CBR4: variants seen among roughly 807,000 people sequenced by gnomAD.
CBR4 encodes 3-oxoacyl-[acyl-carrier-protein] reductase.
A neutral mutation model predicts 21.0 loss-of-function variants in CBR4; 22 were observed. The observed-to-expected ratio is 1.05, with a 90% CI of 0.75 to 1.50. CBR4 has a LOEUF of 1.50. Among genes scored for constraint, CBR4 ranks in the 40% most tolerant of loss-of-function variants. CBR4 has a pLI of 0.00. For missense variants in CBR4, 302 were observed against 286.3 expected, an observed-to-expected ratio of 1.05 and a Z score of -0.40; for synonymous variants, 100 against 104.4, an observed-to-expected ratio of 0.96 and a Z score of 0.26.
chr4:168,902,080 G>A (rs1039974190), intron 2 of CBR4, among the ~76,000 whole-genome samples: 4 of 152,104 alleles, frequency 2.6e-5, no homozygotes, highest in Non-Finnish European at 2.9e-5. Flanking sequence ...TTTATTTAGT[G>A]CTATATATTT....
chr4:168,979,366 C>A (rs1764470773), intron 2 of CBR4, among the ~76,000 whole-genome samples: 1 of 152,148 alleles, frequency 6.6e-6, no homozygotes, highest in Non-Finnish European at 1.5e-5. Flanking sequence ...CCCAGCACAG[C>A]ACAGCTCCTT....
At chr4:168,931,800 C>T (rs1279767650) in intron 2 of CBR4, among the ~76,000 whole-genome samples, 1 of 152,166 alleles carries the variant, frequency 6.6e-6, no homozygotes, top group Non-Finnish European at 1.5e-5. Flanking sequence ...TTCTCACAGC[C>T]TAGGCCACTG....
chr4:168,921,821 C>G (rs910189983), intron 2 of CBR4: 17 of 1,128,982 alleles, frequency 1.5e-5, no homozygotes, highest in Non-Finnish European at 2.3e-5. Context: ...ACATTACTAA[C>G]CAATACGGAA....
intron 2 of CBR4, among the ~76,000 whole-genome samples, chr4:168,976,209 A>G (rs917608033): frequency 6.6e-6 from 1 of 152,126 alleles, no homozygotes; most frequent in Admixed American, 6.5e-5. Context: ...CCCCTTCCCA[A>G]TTCTGCTGGC....
At chr4:168,957,276 A>C (rs1448179226) in intron 2 of CBR4, among the ~76,000 whole-genome samples, 1 of 152,132 alleles carries the variant, frequency 6.6e-6, no homozygotes, top group African/African-American at 2.4e-5. Flanking sequence ...ACTCTTGAAG[A>C]GGCTTCTAAT....
At chr4:168,927,966 A>G (rs557078018) in intron 2 of CBR4, 1 of 196,280 alleles carries the variant, frequency 5.1e-6, no homozygotes, top group South Asian at 1.9e-4. Context: ...CATACGTAGT[A>G]TTTTTTAAAA....
intron 2 of CBR4, among the ~76,000 whole-genome samples, chr4:168,906,326 T>C (rs926757729): frequency 6.6e-6 from 1 of 152,232 alleles, no homozygotes; most frequent in South Asian, 2.1e-4. Context: ...TGAGTCCGCT[T>C]AGTGTCTTCC....
At chr4:168,912,191 C>T (rs544430405) in intron 2 of CBR4, among the ~76,000 whole-genome samples, 1 of 152,290 alleles carries the variant, frequency 6.6e-6, no homozygotes, top group East Asian at 1.9e-4. Context: ...AACACTGCAG[C>T]TTCTGTTACC....
intron 2 of CBR4, among the ~76,000 whole-genome samples, chr4:168,913,224 C>T (rs923454820): frequency 1.3e-5 from 2 of 151,608 alleles, no homozygotes; most frequent in Non-Finnish European, 2.9e-5. Flanking sequence ...GCAACCTCCG[C>T]CTCCCGGGTT....
At chr4:168,958,566 T>C (rs1302232020) in intron 2 of CBR4, among the ~76,000 whole-genome samples, 1 of 152,264 alleles carries the variant, frequency 6.6e-6, no homozygotes, top group African/African-American at 2.4e-5. Flanking sequence ...TTTTTATTTA[T>C]ATTGGGAAAA....
At position 169,006,777 on chromosome 4, in the gene CBR4, CTGT is replaced by C. The variant is rs1426780346; in HGVS notation, c.375_377del (p.Gln126del). The C allele has an allele frequency of 1.2e-6, 2 of 1,613,928 alleles. No homozygotes were observed. Among genetic ancestry groups the C allele is most frequent in the East Asian group, 4.5e-5 (2 of 44,874 alleles). On this transcript the variant is annotated inframe_deletion, in exon 3 of 5. Coordinates refer to ENST00000306193, the MANE Select transcript of CBR4 (RefSeq NM_032783.5). ...CACCTACATTAACAATAGACCCTCC[CTGT>C]TGTTGAATCATAGTCCTCATGGCAG... is the stretch of plus-strand genomic sequence containing the variant.
intron 2 of CBR4, among the ~76,000 whole-genome samples, chr4:168,963,175 C>T (rs1368336253): frequency 6.6e-6 from 1 of 152,170 alleles, no homozygotes; most frequent in African/African-American, 2.4e-5. Flanking sequence ...GATGGTCAAG[C>T]CCTGACTTAA....
intron 2 of CBR4, among the ~76,000 whole-genome samples, chr4:168,914,598 C>CAATGGTAG (rs1759720730): frequency 6.6e-6 from 1 of 151,938 alleles, no homozygotes; most frequent in African/African-American, 2.4e-5. Flanking sequence ...ACTGATGGAA[C>CAATGGTAG]AATGGTAGGC....
At chr4:168,966,221 G>A (rs531175872) in intron 2 of CBR4, among the ~76,000 whole-genome samples, 20 of 152,070 alleles carry the variant, frequency 1.3e-4, no homozygotes, top group Non-Finnish European at 2.1e-4. Flanking sequence ...TTAGAATGGC[G>A]ATCATTAAAA....
intron 2 of CBR4, chr4:168,925,160 C>T: frequency 2.5e-6 from 4 of 1,580,596 alleles, no homozygotes; most frequent in South Asian, 2.2e-5. Flanking sequence ...AATCACATTA[C>T]TCTTTATAAA....
intron 2 of CBR4, among the ~76,000 whole-genome samples, chr4:168,950,925 G>A (rs1415431378): frequency 6.6e-6 from 1 of 152,114 alleles, no homozygotes; most frequent in African/African-American, 2.4e-5. Context: ...CACTTTTGGT[G>A]CCTATTTGCA....
chr4:168,926,245 C>T, intron 2 of CBR4: 1 of 1,536,208 alleles, frequency 6.5e-7, no homozygotes, highest in Non-Finnish European at 8.7e-7. Context: ...GAGCACCAAG[C>T]CAAAAAAAGT....
At chr4:168,928,834 C>CTCTT (rs1360706877) in intron 2 of CBR4, among the ~76,000 whole-genome samples, 1 of 152,222 alleles carries the variant, frequency 6.6e-6, no homozygotes, top group Admixed American at 6.5e-5. Flanking sequence ...CTCACACTTT[C>CTCTT]TCTTTGTCAA....
rs1761514468 is a variant in CBR4 at position 168,921,508 on chromosome 4, T to G, written n.170-26743A>C. 6.7e-7 allele frequency: 1 copy of G among 1,492,336 alleles called. No homozygotes were observed. The allele number at this position is 1,492,336 out of a possible 1,614,324, so 92.4% of individuals were successfully genotyped here. ...TTTCACTCTGTTTTAATACAAAAATTTACATGTATTTCTTTTATGATTTAG... is the reference window on the plus strand; with the variant it reads ...TTTCACTCTGTTTTAATACAAAAATGTACATGTATTTCTTTTATGATTTAG... On this transcript the variant is annotated intron_variant and non_coding_transcript_variant, in intron 2 of 3. Transcript: ENST00000509108.
Sources: allele counts gnomAD v4.1 joint callset (sites outside exome capture counted in the v4.1 genomes callset), GRCh38; gene constraint gnomAD v4.1.1; transcripts MANE v1.5; gene names NCBI Gene and HGNC (gene_info 2026-07-23, HGNC 2026-07-21).